The following NTM variants were observed in gnomAD, a reference collection of about 807,000 sequenced individuals.
The protein encoded by NTM is neurotrimin, also known as IgLON family member 2.
NTM carries 13 observed loss-of-function variants against 42.1 expected under a neutral mutation model. That is an observed-to-expected ratio of 0.31 (90% confidence interval 0.20 to 0.49). NTM has a LOEUF of 0.49. NTM is among the 20% of genes least tolerant of loss of function. The pLI is 0.99. For synonymous variants in NTM, 187 were observed against 179.2 expected, an observed-to-expected ratio of 1.04 and a Z score of -0.35; for missense variants, 373 against 452.8, an observed-to-expected ratio of 0.82 and a Z score of 1.60.
At chr11:132,161,665 C>T (rs1432858321) in intron 3 of NTM, among the ~76,000 whole-genome samples, 1 of 152,032 alleles carries the variant, frequency 6.6e-6, no homozygotes, top group Non-Finnish European at 1.5e-5. Context: ...CTGGCGCCCC[C>T]TTGCCAGTTG....
chr11:131,419,681 G>A (rs1304345038), intron 1 of NTM, among the ~76,000 whole-genome samples: 1 of 152,182 alleles, frequency 6.6e-6, no homozygotes, highest in Non-Finnish European at 1.5e-5. Context: ...GTGGTTGAAG[G>A]CCATAATAAA....
At position 132,211,758 on chromosome 11, in the gene NTM, GA is replaced by G. The variant is rs1257310136; in HGVS notation, c.401-263del. 1.3e-5 allele frequency: 4 copies of G among 301,580 alleles called. No individual in the cohort carries two copies. The Admixed American group carries it at 2.0e-4, about 15-fold the overall frequency. 18.7% of individuals were successfully genotyped at this position (301,580 alleles called of 1,614,324 possible). The stretch of plus-strand genomic sequence containing the variant: ...GGTGAGTGGATACAGGAAGAGGGTG[GA>G]GGCTAGGAGAACAGCTATTCCAGTG... On this transcript the variant is annotated intron_variant, in intron 3 of 8. Coordinates refer to ENST00000683400, the MANE Select transcript of NTM (RefSeq NM_001352005.2).
chr11:132,166,272 G>C (rs1485712520), intron 3 of NTM, among the ~76,000 whole-genome samples: 1 of 152,036 alleles, frequency 6.6e-6, no homozygotes, highest in East Asian at 1.9e-4. Flanking sequence ...TGTCAGTTTT[G>C]CAATGAGTCA....
chr11:131,709,877 A>G (rs1455065485), intron 1 of NTM, among the ~76,000 whole-genome samples: 2 of 152,158 alleles, frequency 1.3e-5, no homozygotes, highest in Non-Finnish European at 1.5e-5. Flanking sequence ...AGAGGTCAAG[A>G]GGAAAGAGTC....
chr11:131,439,984 C>T (rs1443088492), intron 1 of NTM, among the ~76,000 whole-genome samples: 1 of 145,452 alleles, frequency 6.9e-6, no homozygotes, highest in Non-Finnish European at 1.5e-5. Context: ...GTACTTAATA[C>T]ATTTCTCTTC....
At chr11:131,791,548 G>C (rs1239262366) in intron 1 of NTM, among the ~76,000 whole-genome samples, 2 of 152,162 alleles carry the variant, frequency 1.3e-5, no homozygotes, top group Non-Finnish European at 2.9e-5. Context: ...ACTCACATCT[G>C]AGAAGGCCCC....
intron 4 of NTM, among the ~76,000 whole-genome samples, chr11:132,270,543 T>G (rs991268874): frequency 6.6e-6 from 1 of 152,180 alleles, no homozygotes; most frequent in Non-Finnish European, 1.5e-5. Context: ...AACCATATTT[T>G]TAAAAATCAG....
intron 1 of NTM, among the ~76,000 whole-genome samples, chr11:131,600,338 A>G (rs1481524756): frequency 1.4e-4 from 22 of 152,232 alleles, no homozygotes; most frequent in Admixed American, 1.4e-3. Context: ...GTGCCAGTGA[A>G]GGGCAGCTCC....
intron 2 of NTM, among the ~76,000 whole-genome samples, chr11:132,079,546 A>T (rs894257731): frequency 6.6e-6 from 1 of 152,180 alleles, no homozygotes; most frequent in African/African-American, 2.4e-5. Flanking sequence ...AGCCATTTTT[A>T]TTGGTAACTT....
At chr11:132,286,014 C>T (rs2094216243) in intron 4 of NTM, among the ~76,000 whole-genome samples, 1 of 152,198 alleles carries the variant, frequency 6.6e-6, no homozygotes, top group Admixed American at 6.5e-5. Context: ...CTTCCATCTG[C>T]AAGGAAGACC....
intron 1 of NTM, among the ~76,000 whole-genome samples, chr11:131,642,624 T>C: frequency 6.6e-6 from 1 of 152,056 alleles, no homozygotes; most frequent in Non-Finnish European, 1.5e-5. Flanking sequence ...CTGATGCCTG[T>C]CCAGACACCC....
chr11:131,996,631 A>G (rs1309414509), intron 2 of NTM, among the ~76,000 whole-genome samples: 1 of 151,712 alleles, frequency 6.6e-6, no homozygotes, highest in African/African-American at 2.4e-5. Flanking sequence ...AAGATTAAGG[A>G]CTTGCCCAGT....
chr11:131,766,264 C>T (rs1164013788), intron 1 of NTM, among the ~76,000 whole-genome samples: 1 of 152,146 alleles, frequency 6.6e-6, no homozygotes, highest in Admixed American at 6.5e-5. Context: ...TGCATTTTCA[C>T]TTGAGGAGTT....
intron 1 of NTM, among the ~76,000 whole-genome samples, chr11:131,767,868 G>A (rs1015509373): frequency 4.6e-5 from 7 of 152,112 alleles, no homozygotes; most frequent in Non-Finnish European, 8.8e-5. Context: ...AGACAGGAGA[G>A]CAAGTCTCAA....
At chr11:132,020,133 A>G (rs1267015493) in intron 2 of NTM, among the ~76,000 whole-genome samples, 1 of 152,156 alleles carries the variant, frequency 6.6e-6, no homozygotes, top group East Asian at 1.9e-4. Flanking sequence ...AATGGCTTCC[A>G]ACTGCATCTA....
chr11:131,776,634 T>C (rs1267164803), intron 1 of NTM, among the ~76,000 whole-genome samples: 1 of 152,184 alleles, frequency 6.6e-6, no homozygotes, highest in East Asian at 1.9e-4. Context: ...CTGTATTGGT[T>C]AGGGTAACGT....
At chr11:132,310,258 A>AT in intron 6 of NTM, 26 bp downstream of exon 6, 1 of 1,548,776 alleles carries the variant, frequency 6.5e-7, no homozygotes, top group Non-Finnish European at 8.7e-7. Context: ...TTCCTATCCC[A>AT]CCCCTACCCC....
intron 4 of NTM, among the ~76,000 whole-genome samples, chr11:132,236,526 G>A (rs2088943270): frequency 6.6e-6 from 1 of 152,140 alleles, no homozygotes; most frequent in Admixed American, 6.5e-5. Flanking sequence ...TCCACTGTAG[G>A]CATAATGGAG....
chr11:131,628,701 G>T (rs1379603581), intron 1 of NTM, among the ~76,000 whole-genome samples: 1 of 152,226 alleles, frequency 6.6e-6, no homozygotes, highest in Admixed American at 6.5e-5. Context: ...AGTATTGGTG[G>T]TGCCTCCAGA....
Sources: gnomAD v4.1 joint callset for allele counts (sites outside exome capture counted in the v4.1 genomes callset) on GRCh38, gnomAD v4.1.1 for gene constraint, MANE v1.5 for transcripts, NCBI Gene and HGNC (gene_info 2026-07-23, HGNC 2026-07-21) for gene names.